Variants in PTPRD observed in about 807,000 individuals in gnomAD.
The protein encoded by PTPRD is receptor-type tyrosine-protein phosphatase delta.
Under a neutral mutation model 214.5 loss-of-function variants are expected in PTPRD, and 34 were observed. The observed-to-expected ratio is 0.16, with a 90% CI of 0.12 to 0.21. The LOEUF is 0.21. Ranked by LOEUF, PTPRD falls within the 10% of genes least tolerant of loss-of-function variation. The pLI, the probability that PTPRD is intolerant of heterozygous loss-of-function variation, is 1.00. For synonymous variants in PTPRD, 1,128 were observed against 845.7 expected, an observed-to-expected ratio of 1.33 and a Z score of -5.79; for missense variants, 2,545 against 2,398.7, an observed-to-expected ratio of 1.06 and a Z score of -1.27.
At chr9:8,662,010 G>A (rs1596331621) in intron 12 of PTPRD, among the ~76,000 whole-genome samples, 2 of 152,076 alleles carry the variant, frequency 1.3e-5, no homozygotes, top group Admixed American at 6.6e-5. Flanking sequence ...TTAAACCTCC[G>A]GGTTCAAGTG....
intron 3 of PTPRD, among the ~76,000 whole-genome samples, chr9:10,146,345 A>C (rs998912648): frequency 6.6e-6 from 1 of 152,080 alleles, no homozygotes; most frequent in Non-Finnish European, 1.5e-5. Context: ...GTAAGGATAC[A>C]TGGTTAATAA....
At chr9:8,948,521 A>ATATATATATTTATATATATATATT (rs2099083529) in intron 11 of PTPRD, among the ~76,000 whole-genome samples, 2 of 51,764 alleles carry the variant, frequency 3.9e-5, no homozygotes, top group African/African-American at 1.3e-4. Context: ...ATATATATTT[A>ATATATATATTTATATATATATATT]TATATATATT....
intron 9 of PTPRD, among the ~76,000 whole-genome samples, chr9:9,223,957 T>C (rs2099957807): frequency 6.6e-6 from 1 of 152,020 alleles, no homozygotes; most frequent in Non-Finnish European, 1.5e-5. Context: ...CATGTTTATG[T>C]ATAAAAAGGA....
chr9:10,174,641 T>TGAAGTA (rs1157129888), intron 3 of PTPRD, among the ~76,000 whole-genome samples: 2 of 152,090 alleles, frequency 1.3e-5, no homozygotes, highest in African/African-American at 2.4e-5. Flanking sequence ...TTTTACATTT[T>TGAAGTA]GAAGTAGTCT....
chr9:8,937,478 C>T (rs10511514), intron 11 of PTPRD, among the ~76,000 whole-genome samples: 36,546 of 152,076 alleles, frequency 0.24, 5,568 homozygotes, highest in South Asian at 0.39. Context: ...GGATGACTGT[C>T]ATAAATCAGT....
At chr9:9,008,098 G>A (rs1047795952) in intron 11 of PTPRD, among the ~76,000 whole-genome samples, 3 of 147,190 alleles carry the variant, frequency 2.0e-5, no homozygotes, top group East Asian at 2.0e-4. Context: ...ACAAGATGGC[G>A]GCTTTTCATG....
intron 12 of PTPRD, among the ~76,000 whole-genome samples, chr9:8,726,959 G>C (rs927955015): frequency 2.0e-5 from 3 of 151,670 alleles, no homozygotes; most frequent in African/African-American, 7.3e-5. Context: ...GGGCAGCAGA[G>C]CCAGACCCTG....
At chr9:10,007,020 C>A (rs942076127) in intron 4 of PTPRD, among the ~76,000 whole-genome samples, 2 of 151,930 alleles carry the variant, frequency 1.3e-5, no homozygotes, top group African/African-American at 2.4e-5. Flanking sequence ...TATACCAACT[C>A]TCTTGATGAT....
chr9:8,438,781 C>G (rs971325470), intron 34 of PTPRD: 1 of 152,046 alleles, frequency 6.6e-6, no homozygotes, highest in Admixed American at 6.6e-5. Context: ...GGACACAGAG[C>G]CAATCAGGGA....
chr9:9,275,145 A>G (rs1944835114), intron 9 of PTPRD, among the ~76,000 whole-genome samples: 1 of 62,766 alleles, frequency 1.6e-5, no homozygotes, highest in East Asian at 5.2e-4. Context: ...TAATATATAT[A>G]TAATATATTA....
intron 3 of PTPRD, among the ~76,000 whole-genome samples, chr9:10,148,586 TTAA>T (rs2099039875): frequency 1.3e-5 from 2 of 152,200 alleles, no homozygotes; most frequent in Admixed American, 6.5e-5. Flanking sequence ...CAAAATACTG[TTAA>T]TAATTATCAA....
chr9:8,507,252 G>A (rs991645219), intron 22 of PTPRD, 49 bp downstream of exon 22: 3 of 1,576,004 alleles, frequency 1.9e-6, no homozygotes, highest in Admixed American at 1.9e-5. Flanking sequence ...ATAAAAAAGT[G>A]GCCCCACGTA....
intron 6 of PTPRD, among the ~76,000 whole-genome samples, chr9:9,740,730 T>G (rs1283324615): frequency 6.6e-6 from 1 of 152,284 alleles, no homozygotes; most frequent in African/African-American, 2.4e-5. Flanking sequence ...AGTATTTTCA[T>G]TGTTTTTTCT....
At chr9:9,160,003 C>A (rs574013873) in intron 10 of PTPRD, among the ~76,000 whole-genome samples, 1 of 152,214 alleles carries the variant, frequency 6.6e-6, no homozygotes, top group East Asian at 1.9e-4. Flanking sequence ...TATCCACATG[C>A]AGAAGAATGA....
chr9:9,435,877 G>C (rs1340412801), intron 8 of PTPRD, among the ~76,000 whole-genome samples: 1 of 152,038 alleles, frequency 6.6e-6, no homozygotes, highest in Non-Finnish European at 1.5e-5. Context: ...TAATATTGTT[G>C]AAAAGCAAAG....
intron 4 of PTPRD, among the ~76,000 whole-genome samples, chr9:9,953,276 C>T (rs144566768): frequency 6.6e-6 from 1 of 152,108 alleles, no homozygotes; most frequent in Non-Finnish European, 1.5e-5. Context: ...CAGGCCTCAT[C>T]GAATCAGTTA....
chr9:8,317,999 T>TAGAAAAATAA (rs148031691), intron 45 of PTPRD, 57 bp from the exon 46 acceptor site: 92,946 of 1,520,588 alleles, frequency 0.061, 6,185 homozygotes, highest in African/African-American at 0.31. Context: ...CATATTTTAA[T>TAGAAAAATAA]AGAAAAATAA....
intron 12 of PTPRD, among the ~76,000 whole-genome samples, chr9:8,699,971 G>T (rs2098035881): frequency 6.6e-6 from 1 of 152,096 alleles, no homozygotes; most frequent in African/African-American, 2.4e-5. Flanking sequence ...GTAATGCTGA[G>T]AACCCAATTC....
At chr9:8,641,199 C>T (rs1333823791) in intron 12 of PTPRD, among the ~76,000 whole-genome samples, 1 of 148,300 alleles carries the variant, frequency 6.7e-6, no homozygotes, top group Admixed American at 6.6e-5. Context: ...AAGCATAAAA[C>T]AAGGGTATCT....
Sources: allele counts gnomAD v4.1 joint callset (sites outside exome capture counted in the v4.1 genomes callset), GRCh38; gene constraint gnomAD v4.1.1; transcripts MANE v1.5; gene names NCBI Gene and HGNC (gene_info 2026-07-23, HGNC 2026-07-21).